The following PRELID2 variants were observed in gnomAD, a reference collection of about 807,000 sequenced individuals.
PRELID2 encodes PRELI domain-containing protein 2.
Under a neutral mutation model 28.4 loss-of-function variants are expected in PRELID2, and 25 were observed. The ratio of observed to expected loss-of-function variants is 0.88; its 90% CI spans 0.64 to 1.23. PRELID2 has a LOEUF of 1.23. PRELID2 is among the 50% of genes most tolerant of loss of function. The pLI is 0.00. For synonymous variants in PRELID2, 76 were observed against 71.6 expected, an observed-to-expected ratio of 1.06 and a Z score of -0.31; for missense variants, 201 against 214.4, an observed-to-expected ratio of 0.94 and a Z score of 0.39.
intron 1 of PRELID2, among the ~76,000 whole-genome samples, chr5:145,664,629 G>A (rs562802602): frequency 8.5e-5 from 13 of 152,108 alleles, no homozygotes; most frequent in South Asian, 4.2e-4. Flanking sequence ...AATGCACCCC[G>A]TCCCCCACTG....
At chr5:145,545,677 A>T (rs1385622573) in intron 1 of PRELID2, among the ~76,000 whole-genome samples, 1 of 152,112 alleles carries the variant, frequency 6.6e-6, no homozygotes, top group Non-Finnish European at 1.5e-5. Context: ...TTGTAAATGA[A>T]TCAAGAATGG....
chr5:145,370,340 T>G, the PRELID2 span, among the ~76,000 whole-genome samples: 1 of 152,138 alleles, frequency 6.6e-6, no homozygotes, highest in East Asian at 1.9e-4. Flanking sequence ...TTTCTGCATA[T>G]GGCTAGCCAG....
rs990539971 is a variant in PRELID2, at chr5:145,785,699, T to A, written c.474+10743A>T. Reference sequence around the variant, plus strand: ...TAACTAGCATAATGGATATTAGAAATGGACTGTCATTAACTCAATGAATGG... The same window carrying A: ...TAACTAGCATAATGGATATTAGAAAAGGACTGTCATTAACTCAATGAATGG... On this transcript the variant is annotated intron_variant, in intron 5 of 6. Transcript: ENST00000683046. Among the ~76,000 whole-genome samples the A allele has an allele frequency of 2.0e-4, 31 of 152,210 alleles. 1 individual carries two copies. The highest frequency in any genetic ancestry group is 4.0e-4 in the Non-Finnish European group (27 of 68,034).
chr5:145,353,632 A>G, the PRELID2 span, among the ~76,000 whole-genome samples: 1 of 152,120 alleles, frequency 6.6e-6, no homozygotes, highest in Non-Finnish European at 1.5e-5. Flanking sequence ...TAGTAAGGAG[A>G]AGTATCAAGC....
At chr5:145,447,492 T>A in the PRELID2 span, among the ~76,000 whole-genome samples, 3 of 149,784 alleles carry the variant, frequency 2.0e-5, no homozygotes, top group Non-Finnish European at 4.4e-5. Flanking sequence ...TTATTATACT[T>A]TAAGTTTTAG....
At chr5:145,601,401 T>G (rs920986368) in intron 1 of PRELID2, among the ~76,000 whole-genome samples, 1 of 151,978 alleles carries the variant, frequency 6.6e-6, no homozygotes, top group African/African-American at 2.4e-5. Flanking sequence ...GTTTTAGAAA[T>G]ATCAAAATAA....
chr5:145,617,117 T>A (rs1434894659), intron 1 of PRELID2, among the ~76,000 whole-genome samples: 1 of 152,216 alleles, frequency 6.6e-6, no homozygotes, highest in African/African-American at 2.4e-5. Context: ...TCCCTGAACA[T>A]TGCTGTTATC....
In PRELID2 at chr5:145,579,427, T is replaced by C. The variant is rs143734758; in HGVS notation, n.71-106112A>G. On this transcript the variant is annotated intron_variant and non_coding_transcript_variant, in intron 1 of 2. Coordinates refer to the PRELID2 transcript ENST00000510259. ...TAATCTTTATCATTTAATTCATCAG[T>C]TTTATTGCCCTTGGGCAGAGCAATA... is the stretch of plus-strand genomic sequence containing the variant. Among the ~76,000 whole-genome samples the C allele has an allele frequency of 1.5e-3, 223 of 152,256 alleles. 2 individuals are homozygous for C. Among genetic ancestry groups the C allele is most frequent in the African/African-American group, 4.9e-3 (204 of 41,564 alleles).
chr5:145,619,804 T>C (rs1753750136), intron 1 of PRELID2, among the ~76,000 whole-genome samples: 1 of 152,084 alleles, frequency 6.6e-6, no homozygotes, highest in Non-Finnish European at 1.5e-5. Context: ...GAAAATGGGA[T>C]AGGAAAATGG....
intron 5 of PRELID2, among the ~76,000 whole-genome samples, chr5:145,783,542 CA>C (rs749263613): frequency 3.3e-5 from 5 of 152,196 alleles, no homozygotes; most frequent in Admixed American, 6.5e-5. Flanking sequence ...GTAATATTCT[CA>C]GGACAGCTAA....
the PRELID2 span, among the ~76,000 whole-genome samples, chr5:145,253,330 T>C: frequency 6.6e-6 from 1 of 152,148 alleles, no homozygotes; most frequent in African/African-American, 2.4e-5. Flanking sequence ...GGGCAAGACC[T>C]GTTACAATAT....
At chr5:145,578,716 C>A (rs1753083138) in intron 1 of PRELID2, among the ~76,000 whole-genome samples, 1 of 152,048 alleles carries the variant, frequency 6.6e-6, no homozygotes, top group Non-Finnish European at 1.5e-5. Context: ...CAGTGTAATG[C>A]AGACTGGGAA....
chr5:145,263,552 C>T, the PRELID2 span, among the ~76,000 whole-genome samples: 1 of 151,692 alleles, frequency 6.6e-6, no homozygotes, highest in African/African-American at 2.4e-5. Context: ...AAAGCTGGTT[C>T]TTTGAAAAGA....
the PRELID2 span, among the ~76,000 whole-genome samples, chr5:145,261,546 C>T: frequency 4.6e-5 from 7 of 152,284 alleles, no homozygotes; most frequent in South Asian, 1.0e-3. Flanking sequence ...AGTACCAGCC[C>T]ACAGCCTAGT....
chr5:145,412,606 G>A, the PRELID2 span, among the ~76,000 whole-genome samples: 2 of 152,170 alleles, frequency 1.3e-5, no homozygotes, highest in South Asian at 2.1e-4. Flanking sequence ...ACATTTTTCT[G>A]TCTTATTCTG....
At chr5:145,338,047 CAAAT>C in the PRELID2 span, 24 of 152,114 alleles carry the variant, frequency 1.6e-4, no homozygotes, top group Non-Finnish European at 2.6e-4. Flanking sequence ...GTTTCAAAAA[CAAAT>C]AAAACATGTA....
At chr5:145,623,012 C>T (rs1753792779) in intron 1 of PRELID2, among the ~76,000 whole-genome samples, 1 of 151,856 alleles carries the variant, frequency 6.6e-6, no homozygotes, top group African/African-American at 2.4e-5. Context: ...CCCTTTTCCA[C>T]AAATTTATCT....
intron 1 of PRELID2, among the ~76,000 whole-genome samples, chr5:145,718,958 C>A (rs2149715695): frequency 6.6e-6 from 1 of 152,056 alleles, no homozygotes; most frequent in Middle Eastern, 3.4e-3. Context: ...AAAGCATACA[C>A]TATATGGGAA....
intron 1 of PRELID2, among the ~76,000 whole-genome samples, chr5:145,673,481 G>T (rs1363115131): frequency 7.2e-6 from 1 of 138,516 alleles, no homozygotes; most frequent in African/African-American, 3.3e-5. Flanking sequence ...GAAGAAAAAG[G>T]AAAGAAAAGA....
Sources: allele counts gnomAD v4.1 joint callset (sites outside exome capture counted in the v4.1 genomes callset), GRCh38; gene constraint gnomAD v4.1.1; transcripts MANE v1.5; gene names NCBI Gene and HGNC (gene_info 2026-07-23, HGNC 2026-07-21).